Variants in CSMD3 observed in about 807,000 individuals in gnomAD.
The protein encoded by CSMD3 is CUB and sushi domain-containing protein 3.
A neutral mutation model predicts 435.2 loss-of-function variants in CSMD3; 177 were observed. The ratio of observed to expected loss-of-function variants is 0.41; its 90% CI spans 0.36 to 0.46. CSMD3 has a LOEUF of 0.46. Among genes scored for constraint, CSMD3 ranks in the 20% least tolerant of loss-of-function variants. The probability of loss-of-function intolerance (pLI) is 0.34; values close to 1 mark genes in which losing one functional copy is unlikely to be tolerated. For missense variants in CSMD3, 4,265 were observed against 4,504.6 expected (o/e 0.95, Z 1.52); for synonymous variants, 1,656 against 1,520.5 (o/e 1.09, Z -2.07).
chr8:113,230,320 T>A (rs1211931975), intron 3 of CSMD3, among the ~76,000 whole-genome samples: 11 of 151,654 alleles, frequency 7.3e-5, no homozygotes, highest in Admixed American at 4.6e-4. Flanking sequence ...ATTATGGGAT[T>A]GATTGAAACA....
rs2130964411 is a variant in CSMD3 at position 112,337,547 on chromosome 8, A to G, written c.6837T>C (p.Cys2279=). ...SRNWNHPLPR[C]EALCGGNITA... ...AGCTTCAAGTTAGAAGCATACCTTCACACCTTGGAAGTGGATGATTCCAAT... is the reference window on the plus strand; with the variant it reads ...AGCTTCAAGTTAGAAGCATACCTTCGCACCTTGGAAGTGGATGATTCCAAT... Residue 2279 remains cysteine (C), a synonymous_variant, in exon 43 of 71, where the codon TGT becomes TGC. Transcript: ENST00000297405. 1 of 1,612,928 alleles carries G rather than the reference A, an allele frequency of 6.2e-7. No homozygotes were observed. Among genetic ancestry groups the G allele is most frequent in the Non-Finnish European group, 8.5e-7 (1 of 1,178,904 alleles).
chr8:113,432,894 A>G (rs1426001870), intron 1 of CSMD3, among the ~76,000 whole-genome samples: 1 of 152,104 alleles, frequency 6.6e-6, no homozygotes, highest in African/African-American at 2.4e-5. Flanking sequence ...GAGACTCCTA[A>G]AGGTTTCTCC....
chr8:113,427,291 C>T (rs1051316433), intron 1 of CSMD3, among the ~76,000 whole-genome samples: 4 of 151,132 alleles, frequency 2.6e-5, no homozygotes, highest in East Asian at 1.9e-4. Context: ...TATCTATATT[C>T]CCCCCAGTTA....
intron 1 of CSMD3, among the ~76,000 whole-genome samples, chr8:113,427,019 A>AT (rs1368289050): frequency 6.6e-6 from 1 of 151,502 alleles, no homozygotes; most frequent in African/African-American, 2.4e-5. Context: ...AAATGAGGAC[A>AT]TTATTAGGAT....
chr8:112,265,379 A>G (rs1029731046), intron 60 of CSMD3, 32 bp downstream of exon 60: 2 of 1,535,430 alleles, frequency 1.3e-6, no homozygotes, highest in Non-Finnish European at 1.8e-6. Flanking sequence ...ACTGGTTACC[A>G]TTTTTAAATG....
chr8:113,153,112 A>AGAAAAGAAAGAAG (rs2091855036), intron 4 of CSMD3, among the ~76,000 whole-genome samples: 1 of 121,374 alleles, frequency 8.2e-6, no homozygotes, highest in African/African-American at 3.6e-5. Flanking sequence ...AAAGAAAGAA[A>AGAAAAGAAAGAAG]GAAAGAAAGA....
At chr8:112,379,764 T>C (rs573117623) in intron 38 of CSMD3, among the ~76,000 whole-genome samples, 184 of 152,288 alleles carry the variant, frequency 1.2e-3, no homozygotes, top group Non-Finnish European at 2.2e-3. Context: ...TTCTTGATTA[T>C]ATATTACAAA....
intron 31 of CSMD3, among the ~76,000 whole-genome samples, chr8:112,475,955 T>C (rs1373076123): frequency 6.6e-6 from 1 of 152,192 alleles, no homozygotes; most frequent in East Asian, 1.9e-4. Flanking sequence ...TAAAAGCCTA[T>C]ATTCTTTGTA....
intron 10 of CSMD3, among the ~76,000 whole-genome samples, chr8:112,886,133 T>C (rs1040010157): frequency 6.6e-6 from 1 of 151,680 alleles, no homozygotes; most frequent in Non-Finnish European, 1.5e-5. Flanking sequence ...CTGATGTTGA[T>C]TTAGGATAAA....
chr8:112,560,076 A>G (rs1828483943), intron 24 of CSMD3, among the ~76,000 whole-genome samples: 2 of 151,812 alleles, frequency 1.3e-5, no homozygotes, highest in South Asian at 4.1e-4. Flanking sequence ...ATATTAGCTC[A>G]CTTGTGTCAA....
intron 3 of CSMD3, among the ~76,000 whole-genome samples, chr8:113,242,121 TAATAAGG>T (rs1489285141): frequency 1.3e-5 from 2 of 151,764 alleles, no homozygotes; most frequent in African/African-American, 4.8e-5. Context: ...TTAAAAAATT[TAATAAGG>T]AACAATTATG....
chr8:112,769,841 A>G (rs969993872), intron 13 of CSMD3, among the ~76,000 whole-genome samples: 4 of 151,876 alleles, frequency 2.6e-5, no homozygotes, highest in Non-Finnish European at 4.4e-5. Flanking sequence ...ATTATAAAAT[A>G]TTTTTTCACA....
intron 15 of CSMD3, among the ~76,000 whole-genome samples, chr8:112,682,900 G>T (rs1439436562): frequency 6.6e-6 from 1 of 151,998 alleles, no homozygotes; most frequent in Non-Finnish European, 1.5e-5. Context: ...AATTATTTCT[G>T]CTTATTTCTG....
intron 39 of CSMD3, 75 bp downstream of exon 39, chr8:112,352,332 AACCCGTGGC>A (rs1343968996): frequency 6.3e-7 from 1 of 1,598,230 alleles, no homozygotes; most frequent in African/African-American, 1.3e-5. Flanking sequence ...AATGTTGTAA[AACCCGTGGC>A]TTATCAATCA....
At chr8:112,610,478 G>A (rs1038645280) in intron 22 of CSMD3, among the ~76,000 whole-genome samples, 2 of 151,944 alleles carry the variant, frequency 1.3e-5, no homozygotes, top group Non-Finnish European at 2.9e-5. Flanking sequence ...ATTTCAAATG[G>A]CAGTGATCAA....
intron 13 of CSMD3, among the ~76,000 whole-genome samples, chr8:112,699,582 G>A (rs1200308800): frequency 2.0e-5 from 3 of 152,196 alleles, no homozygotes; most frequent in South Asian, 2.1e-4. Flanking sequence ...AATCACAAAG[G>A]TGAAATTGGT....
chr8:112,746,547 A>G (rs1198266807), intron 13 of CSMD3, among the ~76,000 whole-genome samples: 1 of 152,146 alleles, frequency 6.6e-6, no homozygotes, highest in Non-Finnish European at 1.5e-5. Context: ...TCTCCTTAAA[A>G]TATATAGTGT....
At chr8:112,610,076 A>G (rs572927808) in intron 22 of CSMD3, among the ~76,000 whole-genome samples, 1 of 152,212 alleles carries the variant, frequency 6.6e-6, no homozygotes, top group South Asian at 2.1e-4. Context: ...AAGATGAATA[A>G]TTTCTGGAGA....
chr8:113,096,833 ATAT>A (rs1181599383), intron 5 of CSMD3, among the ~76,000 whole-genome samples: 1 of 152,080 alleles, frequency 6.6e-6, no homozygotes, highest in Admixed American at 6.6e-5. Flanking sequence ...TAACTTCCTT[ATAT>A]TCATCAGGAC....
Sources: allele counts gnomAD v4.1 joint callset (sites outside exome capture counted in the v4.1 genomes callset), GRCh38; gene constraint gnomAD v4.1.1; transcripts MANE v1.5; gene names NCBI Gene and HGNC (gene_info 2026-07-23, HGNC 2026-07-21).